The following UTRN variants were observed in gnomAD, a reference collection of about 807,000 sequenced individuals.
The protein encoded by UTRN is utrophin, also known as dystrophin-related protein 1.
Under a neutral mutation model 463.9 loss-of-function variants are expected in UTRN, and 283 were observed. The observed-to-expected ratio is 0.61, with a 90% CI of 0.55 to 0.67. The LOEUF (loss-of-function observed/expected upper bound fraction) is 0.67, where lower values mean the gene tolerates loss of function less well. UTRN is among the 30% of genes least tolerant of loss of function. UTRN has a pLI of 0.00. For missense variants in UTRN, 3,922 were observed against 4,084.3 expected (o/e 0.96, Z 1.08); for synonymous variants, 1,442 against 1,431.5 (o/e 1.01, Z -0.17).
chr6:144,770,637 A>T (rs1322205880), intron 58 of UTRN, among the ~76,000 whole-genome samples: 2 of 151,928 alleles, frequency 1.3e-5, no homozygotes, highest in African/African-American at 2.4e-5. Context: ...TAATTGAAGC[A>T]TTCCATTTAT....
intron 23 of UTRN, among the ~76,000 whole-genome samples, chr6:144,466,326 C>T (rs980619035): frequency 2.0e-5 from 3 of 152,156 alleles, no homozygotes; most frequent in African/African-American, 2.4e-5. Context: ...TAGTTGTGTG[C>T]GAATTTCAGT....
At chr6:144,831,748 A>G (rs9403615) in intron 69 of UTRN, among the ~76,000 whole-genome samples, 13,290 of 152,120 alleles carry the variant, frequency 0.087, 804 homozygotes, top group African/African-American at 0.16. Context: ...ACGCAAGGAC[A>G]ATTCCTTGGG....
At chr6:144,432,425 A>C (rs1395831759) in intron 9 of UTRN, among the ~76,000 whole-genome samples, 1 of 152,162 alleles carries the variant, frequency 6.6e-6, no homozygotes, top group Non-Finnish European at 1.5e-5. Flanking sequence ...CTGTGTTAAG[A>C]ATTTTAAATT....
chr6:144,603,906 A>AGAC (rs1804537249), intron 51 of UTRN, among the ~76,000 whole-genome samples: 1 of 152,210 alleles, frequency 6.6e-6, no homozygotes, highest in Admixed American at 6.5e-5. Context: ...GCAGTGGTAT[A>AGAC]TCAATACTCA....
intron 8 of UTRN, 106 bp from the exon 9 acceptor site, chr6:144,429,475 G>C (rs1357495487): frequency 2.1e-6 from 2 of 958,480 alleles, no homozygotes; most frequent in Admixed American, 5.5e-5. Context: ...TATATATTAG[G>C]TATTGTTTAT....
intron 51 of UTRN, among the ~76,000 whole-genome samples, chr6:144,614,591 G>A (rs558090444): frequency 2.3e-4 from 35 of 152,282 alleles, no homozygotes; most frequent in Admixed American, 1.4e-3. Flanking sequence ...GAATGAACAA[G>A]GGAATGAATA....
intron 58 of UTRN, among the ~76,000 whole-genome samples, chr6:144,761,053 T>A (rs1792613525): frequency 6.6e-6 from 1 of 152,138 alleles, no homozygotes; most frequent in South Asian, 2.1e-4. Flanking sequence ...GCTCCATGGC[T>A]CATGTGTTTG....
intron 60 of UTRN, among the ~76,000 whole-genome samples, chr6:144,775,445 C>A (rs1230142395): frequency 6.6e-6 from 1 of 152,120 alleles, no homozygotes; most frequent in Non-Finnish European, 1.5e-5. Context: ...ATCCACAGAG[C>A]CTCAAAGATA....
chr6:144,804,406 T>C (rs1424070928), intron 65 of UTRN, among the ~76,000 whole-genome samples: 1 of 152,180 alleles, frequency 6.6e-6, no homozygotes, highest in Admixed American at 6.6e-5. Flanking sequence ...AAATTAATAT[T>C]GAACATTTTG....
intron 2 of UTRN, among the ~76,000 whole-genome samples, chr6:144,362,243 G>T (rs1406701977): frequency 6.6e-6 from 1 of 152,178 alleles, no homozygotes; most frequent in Non-Finnish European, 1.5e-5. Flanking sequence ...TAGTGAAGGA[G>T]CCAACTGAGG....
chr6:144,522,239 T>C lies in UTRN; in HGVS notation c.5733+68T>C, dbSNP rs1004109946. Reference sequence around the variant, plus strand: ...AGAAGTAGAGGAAGAAATTTGTTCTTGTGCCTACTTAGATGGTCTATATCT... The same window carrying C: ...AGAAGTAGAGGAAGAAATTTGTTCTCGTGCCTACTTAGATGGTCTATATCT... On this transcript the variant is annotated intron_variant, in intron 40 of 74. Coordinates refer to ENST00000367545, the MANE Select transcript of UTRN (RefSeq NM_007124.3). The C allele has an allele frequency of 2.3e-6, 3 of 1,288,848 alleles. No individual in the cohort carries two copies. The African/African-American group carries it at 4.6e-5, about 20-fold the overall frequency. 79.8% of individuals were successfully genotyped at this position (1,288,848 alleles called of 1,614,324 possible). A position where few individuals can be genotyped will look rare whatever the true frequency, so the allele number is the denominator to read the frequency against.
chr6:144,835,508 G>GT (rs1220876913), intron 69 of UTRN, among the ~76,000 whole-genome samples: 2 of 152,054 alleles, frequency 1.3e-5, no homozygotes, highest in Non-Finnish European at 1.5e-5. Context: ...CCTTATTTTT[G>GT]TTTTTTCTGC....
At chr6:144,783,841 C>T (rs901789605) in intron 61 of UTRN, among the ~76,000 whole-genome samples, 8 of 152,110 alleles carry the variant, frequency 5.3e-5, no homozygotes, top group Non-Finnish European at 7.4e-5. Flanking sequence ...CTTAAGAAAC[C>T]TGCTGAAGCA....
chr6:144,313,554 C>T (rs1775080680), intron 2 of UTRN, among the ~76,000 whole-genome samples: 1 of 152,190 alleles, frequency 6.6e-6, no homozygotes, highest in East Asian at 1.9e-4. Context: ...CATGCTGGCT[C>T]CATTTGGCAC....
chr6:144,619,237 T>C (rs1775098098), intron 51 of UTRN, among the ~76,000 whole-genome samples: 1 of 152,188 alleles, frequency 6.6e-6, no homozygotes, highest in Admixed American at 6.5e-5. Flanking sequence ...CAGACTATCA[T>C]TATTAATTTT....
intron 2 of UTRN, among the ~76,000 whole-genome samples, chr6:144,345,804 G>T (rs191415543): frequency 6.6e-6 from 1 of 152,120 alleles, no homozygotes; most frequent in East Asian, 1.9e-4. Context: ...AAAGGGTCTT[G>T]CTACAAAGGG....
chr6:144,324,326 C>T (rs2114590784), intron 2 of UTRN, among the ~76,000 whole-genome samples: 1 of 152,162 alleles, frequency 6.6e-6, no homozygotes, highest in Admixed American at 6.5e-5. Flanking sequence ...TGTAATTTGG[C>T]TGTATTGATT....
intron 74 of UTRN, among the ~76,000 whole-genome samples, chr6:144,849,994 C>G (rs1295088926): frequency 1.3e-5 from 2 of 152,176 alleles, no homozygotes; most frequent in Non-Finnish European, 2.9e-5. Context: ...AATGAGGCTG[C>G]CTGGCTGAGA....
rs757101202 is a variant in UTRN, at chr6:144,754,726, G to A, written c.8362G>A (p.Val2788Met). 4.3e-6 allele frequency: 7 copies of A among 1,613,276 alleles called. No homozygotes were observed. The East Asian group carries it at 1.1e-4, about 26-fold the overall frequency. The change falls in exon 57 of 75, where the codon GTG becomes ATG. Residue 2788 changes from valine (V) to methionine (M), a missense_variant. By Grantham distance (21) the Val-to-Met change is conservative. Coordinates refer to ENST00000367545, the MANE Select transcript of UTRN (RefSeq NM_007124.3). ...NMRWKLLQVS[V>M]DDRLKQLQEA... ...TGCATGTGTATGTGTGCAGGTTTCT[G>A]TGGATGATCGCCTTAAACAGCTTCA... is the stretch of plus-strand genomic sequence containing the variant.
Sources: allele counts gnomAD v4.1 joint callset (sites outside exome capture counted in the v4.1 genomes callset), GRCh38; gene constraint gnomAD v4.1.1; transcripts MANE v1.5; gene names NCBI Gene and HGNC (gene_info 2026-07-23, HGNC 2026-07-21).